The following AGBL4 variants were observed in gnomAD, a reference collection of about 807,000 sequenced individuals.
AGBL4 encodes AGBL carboxypeptidase 4.
AGBL4 carries 58 observed loss-of-function variants against 66.4 expected under a neutral mutation model. That is an observed-to-expected ratio of 0.87 (90% confidence interval 0.71 to 1.09). The LOEUF is 1.09. Among genes scored for constraint, AGBL4 ranks in the 50% least tolerant of loss-of-function variants. The probability of loss-of-function intolerance (pLI) is 0.00; values close to 1 mark genes in which losing one functional copy is unlikely to be tolerated. For missense variants in AGBL4, 579 were observed against 631.0 expected, an observed-to-expected ratio of 0.92 and a Z score of 0.88; for synonymous variants, 234 against 222.9, an observed-to-expected ratio of 1.05 and a Z score of -0.44.
At chr1:49,939,844 G>C (rs980421040) in intron 1 of AGBL4, among the ~76,000 whole-genome samples, 1 of 152,160 alleles carries the variant, frequency 6.6e-6, no homozygotes. Context: ...AGCCAAAATT[G>C]ACAAATGGGA....
chr1:49,723,280 G>T (rs1648748298), intron 2 of AGBL4, among the ~76,000 whole-genome samples: 1 of 151,944 alleles, frequency 6.6e-6, no homozygotes, highest in Admixed American at 6.6e-5. Context: ...TTTTGCCTCA[G>T]TTTATTTATT....
chr1:48,686,731 G>A (rs903236419), intron 6 of AGBL4, among the ~76,000 whole-genome samples: 9 of 152,198 alleles, frequency 5.9e-5, no homozygotes, highest in African/African-American at 1.9e-4. Flanking sequence ...CCTGAGATCT[G>A]CCATGGATCA....
intron 6 of AGBL4, among the ~76,000 whole-genome samples, chr1:48,665,907 G>A (rs751945574): frequency 6.6e-6 from 1 of 152,140 alleles, no homozygotes; most frequent in Non-Finnish European, 1.5e-5. Flanking sequence ...CCCTGACCCC[G>A]TATCAAGTCA....
At chr1:49,407,054 G>A (rs557872371) in intron 3 of AGBL4, among the ~76,000 whole-genome samples, 3 of 106,408 alleles carry the variant, frequency 2.8e-5, no homozygotes, top group African/African-American at 1.2e-4. Context: ...GACAGAGTGA[G>A]ACTCTGCCTC....
intron 1 of AGBL4, among the ~76,000 whole-genome samples, chr1:49,883,369 T>C (rs1003731425): frequency 2.6e-5 from 4 of 152,090 alleles, no homozygotes; most frequent in South Asian, 2.1e-4. Flanking sequence ...GGAAGTCATA[T>C]CTGACTTCCC....
At chr1:48,537,563 G>A (rs1454256691) in intron 12 of AGBL4, among the ~76,000 whole-genome samples, 6 of 152,144 alleles carry the variant, frequency 3.9e-5, no homozygotes, top group Non-Finnish European at 2.9e-5. Flanking sequence ...CTGACCACAT[G>A]ACTCTGACCA....
chr1:48,572,322 A>G (rs1427003484), intron 11 of AGBL4, among the ~76,000 whole-genome samples: 1 of 152,134 alleles, frequency 6.6e-6, no homozygotes, highest in Non-Finnish European at 1.5e-5. Context: ...GAGAGGACAG[A>G]GTGGCTTCTT....
In AGBL4 at chr1:49,555,918, G is replaced by T. The variant is rs375997960; in HGVS notation, c.282+141395C>A. ...GGATGTGGAGAAATAGGAACACTTTGACACTGTTGGTGGGACTGTAAACTA... is the reference window on the plus strand; with the variant it reads ...GGATGTGGAGAAATAGGAACACTTTTACACTGTTGGTGGGACTGTAAACTA... On this transcript the variant is annotated intron_variant, in intron 3 of 13. Transcript: ENST00000371839. Among the ~76,000 whole-genome samples, 219 of 152,212 alleles carry T rather than the reference G, an allele frequency of 1.4e-3. 2 individuals are homozygous for T. The highest frequency in any genetic ancestry group is 0.012 in the South Asian group (56 of 4,812).
In AGBL4 at chr1:48,736,482, T is replaced by C; in HGVS notation, c.635-73241A>G. ...GAGGAATAAGAACACCAGCACCTGT[T>C]TAGTCCGACAGGAGGGCAGTGGGAG... On this transcript the variant is annotated intron_variant, in intron 6 of 13. Transcript: ENST00000371839. This position sits in a 1 kb window ranked among gnomAD's most constrained non-coding sequence, Gnocchi z 4.0. 1 of 1,597,854 alleles carries C rather than the reference T, an allele frequency of 6.3e-7. No homozygotes were observed. Among genetic ancestry groups the C allele is most frequent in the Non-Finnish European group, 8.6e-7 (1 of 1,165,874 alleles).
Position 49,114,272 on chromosome 1 carries a change from A to C in AGBL4, c.378-68472T>G, listed in dbSNP as rs149404945. Among the ~76,000 whole-genome samples the C allele has an allele frequency of 3.8e-3, 584 of 152,308 alleles. 3 individuals carry two copies. Among genetic ancestry groups the C allele is most frequent in the African/African-American group, 0.014 (573 of 41,572 alleles). On this transcript the variant is annotated intron_variant, in intron 4 of 13. Coordinates refer to ENST00000371839, the MANE Select transcript of AGBL4 (RefSeq NM_032785.4). ...CTTGCACTTTTTATGTTATGGAGAC[A>C]GCTTCTTTCTTTAAACCATATGAAC... is the stretch of plus-strand genomic sequence containing the variant.
chr1:49,306,839 TG>T (rs1401232125), intron 3 of AGBL4, among the ~76,000 whole-genome samples: 2 of 152,198 alleles, frequency 1.3e-5, no homozygotes, highest in Non-Finnish European at 2.9e-5. Flanking sequence ...ATGTTGTCTC[TG>T]GTGTCATGAA....
In AGBL4 at chr1:49,385,980, A is replaced by G. The variant is rs549933756; in HGVS notation, c.283-140116T>C. On this transcript the variant is annotated intron_variant, in intron 3 of 13. Transcript: ENST00000371839. ...TAGTACATTAGTAAAAATCTGTCAAAACTATAGTAGCACCCAATGTAGTTA... is the reference window on the plus strand; with the variant it reads ...TAGTACATTAGTAAAAATCTGTCAAGACTATAGTAGCACCCAATGTAGTTA... Among the ~76,000 whole-genome samples the G allele has an allele frequency of 1.7e-3, 265 of 152,168 alleles. 1 individual carries two copies. The highest frequency in any genetic ancestry group is 5.9e-3 in the African/African-American group (247 of 41,554).
intron 9 of AGBL4, among the ~76,000 whole-genome samples, chr1:48,618,484 G>A (rs1645355935): frequency 6.6e-6 from 1 of 152,166 alleles, no homozygotes; most frequent in Non-Finnish European, 1.5e-5. Context: ...CCTGCCCTGG[G>A]CTGAAGTGTT....
chr1:49,644,175 A>T (rs1430842580), intron 3 of AGBL4, among the ~76,000 whole-genome samples: 1 of 151,644 alleles, frequency 6.6e-6, no homozygotes, highest in Non-Finnish European at 1.5e-5. Flanking sequence ...TATAAATCCT[A>T]AAGCAACCAC....
chr1:49,535,253 A>T (rs1302681708), intron 3 of AGBL4, among the ~76,000 whole-genome samples: 1 of 151,550 alleles, frequency 6.6e-6, no homozygotes, highest in Non-Finnish European at 1.5e-5. Context: ...AATGGCTAAG[A>T]TCATCTGGCT....
intron 3 of AGBL4, among the ~76,000 whole-genome samples, chr1:49,663,787 C>A (rs1317704820): frequency 6.6e-6 from 1 of 151,600 alleles, no homozygotes; most frequent in Non-Finnish European, 1.5e-5. Flanking sequence ...AAAATACAAA[C>A]AATAGGGTTA....
chr1:48,939,734 T>G (rs551880254), intron 5 of AGBL4, among the ~76,000 whole-genome samples: 2 of 152,352 alleles, frequency 1.3e-5, no homozygotes, highest in East Asian at 3.9e-4. Context: ...GGCCCCACTC[T>G]GCCCTTCAGG....
intron 4 of AGBL4, among the ~76,000 whole-genome samples, chr1:49,114,978 A>T (rs545480618): frequency 6.6e-6 from 1 of 152,330 alleles, no homozygotes; most frequent in African/African-American, 2.4e-5. Context: ...CAGAGACATG[A>T]CTAAGTACAT....
chr1:48,787,024 G>A (rs553198432), intron 6 of AGBL4, among the ~76,000 whole-genome samples: 218 of 152,266 alleles, frequency 1.4e-3, no homozygotes, highest in South Asian at 6.6e-3. Flanking sequence ...AGTCCTGGAC[G>A]TAGGTACTAT....
Sources: allele counts gnomAD v4.1 joint callset (sites outside exome capture counted in the v4.1 genomes callset), GRCh38; gene constraint gnomAD v4.1.1; non-coding constraint Gnocchi (gnomAD v3.1); transcripts MANE v1.5; gene names NCBI Gene and HGNC (gene_info 2026-07-23, HGNC 2026-07-21).